Variants in CABIN1 observed in about 807,000 individuals in gnomAD.
CABIN1 encodes the protein calcineurin-binding protein cabin-1.
In CABIN1, 133 loss-of-function variants were observed where a neutral mutation model predicts 227.7. The observed-to-expected ratio is 0.58, with a 90% confidence interval of 0.51 to 0.67. The LOEUF (loss-of-function observed/expected upper bound fraction) is 0.67. CABIN1 is among the 30% of genes least tolerant of loss of function. CABIN1 has a pLI of 0.00. For missense variants in CABIN1, 2,408 were observed against 2,852.5 expected, an observed-to-expected ratio of 0.84 and a Z score of 3.55; for synonymous variants, 1,086 against 1,155.1, an observed-to-expected ratio of 0.94 and a Z score of 1.21.
intron 26 of CABIN1, among the ~76,000 whole-genome samples, chr22:24,111,329 G>T (rs932753222): frequency 2.0e-5 from 3 of 152,204 alleles, no homozygotes; most frequent in African/African-American, 7.2e-5. Context: ...TCCGTGGCCT[G>T]TTAGGAACTG....
chr22:24,158,270 GCACCCA>G (rs2045954766), intron 29 of CABIN1, among the ~76,000 whole-genome samples: 1 of 152,188 alleles, frequency 6.6e-6, no homozygotes. Context: ...GTCAGCTCAG[GCACCCA>G]GGACCTGCTT....
rs1054556541 is a variant in CABIN1 at position 24,024,367 on chromosome 22, A to G, written c.-74-11077A>G. On this transcript the variant is annotated intron_variant, in intron 1 of 36. Transcript: ENST00000263119. ...CTTTTGGTGTCATGCTTAAGAGGCT[A>G]TTGCCAGATCCAAGGACATGAAGAT... Among the ~76,000 whole-genome samples, 9 of 152,290 alleles carry G rather than the reference A, an allele frequency of 5.9e-5. No individual in the cohort carries two copies. In the South Asian group the frequency reaches 1.9e-3, roughly 32 times the overall value.
In CABIN1 at chr22:24,096,049, G is replaced by T; in HGVS notation, c.3905G>T (p.Gly1302Val). Reference protein sequence around the residue: ...KEAAEGPFARGEEKNTPKASE... With the variant: ...KEAAEGPFARVEEKNTPKASE... ...GCTGCAGAAGGACCCTTTGCCAGGG[G>T]CGAGGAGAAGAACACACCCAAAGCT... Residue 1302 changes from glycine to valine, a missense_variant, in exon 25 of 37, where the codon GGC becomes GTC. Gly to Val is a moderately radical substitution (Grantham distance 109). Coordinates refer to ENST00000263119, the MANE Select transcript of CABIN1 (RefSeq NM_012295.4). 6.2e-7 allele frequency: 1 copy of T among 1,614,172 alleles called. No individual in the cohort carries two copies. The highest frequency in any genetic ancestry group is 8.5e-7 in the Non-Finnish European group (1 of 1,180,012).
Position 24,167,283 on chromosome 22 carries a change from C to T in CABIN1, c.5652C>T (p.Ile1884=). Residue 1884 remains isoleucine, a synonymous_variant, in exon 32 of 37, where the codon ATC becomes ATT. Transcript: ENST00000263119. ...VAYDLGRVER[I]MSETYMLIKQ... ...ATGACCTGGGCCGTGTGGAGAGGATCATGTCGGAGACCTACATGCTCATCA... is the reference window on the plus strand; with the variant it reads ...ATGACCTGGGCCGTGTGGAGAGGATTATGTCGGAGACCTACATGCTCATCA... 1 of 1,613,150 alleles carries T rather than the reference C, an allele frequency of 6.2e-7. No individual in the cohort carries two copies. The highest frequency in any genetic ancestry group is 8.5e-7 in the Non-Finnish European group (1 of 1,179,854).
chr22:24,148,336 ACT>A (rs1389421543), intron 29 of CABIN1, among the ~76,000 whole-genome samples: 1 of 152,090 alleles, frequency 6.6e-6, no homozygotes, highest in African/African-American at 2.4e-5. Flanking sequence ...GCTACCCCAG[ACT>A]CTCTAAGGGC....
intron 1 of CABIN1, among the ~76,000 whole-genome samples, chr22:24,016,976 G>A (rs1178541065): frequency 2.1e-5 from 3 of 141,280 alleles, no homozygotes; most frequent in Non-Finnish European, 3.1e-5. Flanking sequence ...CCAGGTTTTT[G>A]TTTTTCTGTT....
At chr22:24,076,415 T>C in intron 19 of CABIN1, 131 bp downstream of exon 19, 1 of 724,976 alleles carries the variant, frequency 1.4e-6, no homozygotes. Context: ...GCCCACTGTG[T>C]GTCTTTGACT....
intron 7 of CABIN1, among the ~76,000 whole-genome samples, chr22:24,050,584 T>A (rs2038248192): frequency 6.6e-6 from 1 of 152,232 alleles, no homozygotes; most frequent in Admixed American, 6.5e-5. Context: ...ATATGAAAAC[T>A]CTTTCTCTGC....
chr22:24,048,349 C>T (rs2038055830), intron 6 of CABIN1, among the ~76,000 whole-genome samples: 1 of 152,160 alleles, frequency 6.6e-6, no homozygotes, highest in African/African-American at 2.4e-5. Flanking sequence ...GTAGTGGCTG[C>T]TTGGCAACCT....
intron 26 of CABIN1, 60 bp downstream of exon 26, chr22:24,098,252 C>G: frequency 6.2e-7 from 1 of 1,611,822 alleles, no homozygotes; most frequent in Non-Finnish European, 8.5e-7. Context: ...CGGGGGGGTG[C>G]TCGGACGACT....
intron 17 of CABIN1, chr22:24,071,272 T>A: frequency 1.7e-6 from 1 of 595,454 alleles, no homozygotes; most frequent in Non-Finnish European, 3.0e-6. Flanking sequence ...CTTGGTGCCA[T>A]GGGGTTCTTC....
chr22:24,077,393 CATATGTATAGAGCTCAT>C (rs1225714439), intron 19 of CABIN1, among the ~76,000 whole-genome samples: 1 of 152,164 alleles, frequency 6.6e-6, no homozygotes, highest in East Asian at 1.9e-4. Context: ...GGAGAGTATG[CATATGTATAGAGCTCAT>C]GTATGTATAG....
intron 26 of CABIN1, among the ~76,000 whole-genome samples, chr22:24,100,967 T>C (rs1451368740): frequency 6.6e-6 from 1 of 152,206 alleles, no homozygotes; most frequent in Non-Finnish European, 1.5e-5. Context: ...GGGAAGAGCC[T>C]GGGCTCTGGG....
chr22:24,022,436 A>G (rs1211405792), intron 1 of CABIN1, among the ~76,000 whole-genome samples: 1 of 152,212 alleles, frequency 6.6e-6, no homozygotes. Context: ...TGTTTCATAT[A>G]TCAATTGTTT....
chr22:24,133,272 C>T (rs2044183104), intron 28 of CABIN1, among the ~76,000 whole-genome samples: 1 of 152,230 alleles, frequency 6.6e-6, no homozygotes, highest in African/African-American at 2.4e-5. Context: ...GGCAGGCTAG[C>T]ATGGGCCCCA....
At position 24,166,619 on chromosome 22, in the gene CABIN1, T is replaced by G; in HGVS notation, c.5008-20T>G. The G allele has an allele frequency of 6.2e-7, 1 of 1,612,676 alleles. No homozygotes were observed. Among genetic ancestry groups the G allele is most frequent in the Non-Finnish European group, 8.5e-7 (1 of 1,179,890 alleles). ...TGGAGACACCAGCGACACAGCTTCT[T>G]ACCTTTGGTTTCTTTGTAGGGGTCA... On this transcript the variant is annotated intron_variant, in intron 31 of 36. Coordinates refer to ENST00000263119, the MANE Select transcript of CABIN1 (RefSeq NM_012295.4).
At chr22:24,086,473 GC>G (rs1473523427) in intron 22 of CABIN1, among the ~76,000 whole-genome samples, 2 of 152,242 alleles carry the variant, frequency 1.3e-5, no homozygotes, top group Admixed American at 6.5e-5. Context: ...CGTGGGATTG[GC>G]CCCAGTGCCA....
chr22:24,117,549 G>C lies in CABIN1; in HGVS notation c.4301-1818G>C, dbSNP rs575912278. ...GGGTTTTTTTGTTTGTTTTTTTGGG[G>C]GGGGGGTTAGGTTTAATAGGCAAAA... On this transcript the variant is annotated intron_variant, in intron 27 of 36. Coordinates refer to ENST00000263119, the MANE Select transcript of CABIN1 (RefSeq NM_012295.4). 1.5e-4 allele frequency among the ~76,000 whole-genome samples: 23 copies of C among 151,884 alleles called. No homozygotes were observed. The East Asian group carries it at 3.3e-3, about 22-fold the overall frequency.
chr22:24,103,241 G>A (rs176155), intron 26 of CABIN1: 33,247 of 151,932 alleles, frequency 0.22, 4,182 homozygotes, highest in East Asian at 0.38. Flanking sequence ...GGCAGATGCG[G>A]TGGGGGCCTC....
Sources: gnomAD v4.1 joint callset for allele counts (sites outside exome capture counted in the v4.1 genomes callset) on GRCh38, gnomAD v4.1.1 for gene constraint, MANE v1.5 for transcripts, NCBI Gene and HGNC (gene_info 2026-07-23, HGNC 2026-07-21) for gene names.